The following INSL6 variants were observed in gnomAD, a reference collection of about 807,000 sequenced individuals.
The protein encoded by INSL6 is insulin-like peptide INSL6.
In INSL6, 16 loss-of-function variants were observed where a neutral mutation model predicts 9.4. The ratio of observed to expected loss-of-function variants is 1.70; its 90% CI spans 1.15 to 2.59. INSL6 has a LOEUF of 2.59. Ranked by LOEUF, INSL6 falls within the 30% of genes most tolerant of loss-of-function variation. INSL6 has a pLI of 0.00. For synonymous variants in INSL6, 154 were observed against 96.9 expected (o/e 1.59, Z -3.46); for missense variants, 391 against 257.3 (o/e 1.52, Z -3.56).
chr9:5,022,209 T>C, the INSL6 span: 4 of 1,610,574 alleles, frequency 2.5e-6, no homozygotes, highest in Non-Finnish European at 3.4e-6. Flanking sequence ...CTTCTAAAGC[T>C]TGTGGTAAGT....
chr9:5,168,222 G>C (rs1027799121), intron 1 of INSL6, among the ~76,000 whole-genome samples: 2 of 152,336 alleles, frequency 1.3e-5, no homozygotes, highest in South Asian at 2.1e-4. Context: ...GGCTGAGTCA[G>C]AGATAGATAA....
the INSL6 span, among the ~76,000 whole-genome samples, chr9:5,087,682 A>C: frequency 6.6e-6 from 1 of 152,212 alleles, no homozygotes; most frequent in Admixed American, 6.5e-5. Flanking sequence ...GGATGTGATA[A>C]AATATACATT....
At chr9:5,047,470 C>G in the INSL6 span, among the ~76,000 whole-genome samples, 1 of 152,178 alleles carries the variant, frequency 6.6e-6, no homozygotes, top group East Asian at 1.9e-4. Flanking sequence ...AAACTGCTGA[C>G]ATGTGAACAA....
chr9:5,004,089 A>T, the INSL6 span, among the ~76,000 whole-genome samples: 1 of 152,164 alleles, frequency 6.6e-6, no homozygotes, highest in Non-Finnish European at 1.5e-5. Context: ...AGAATGGCAA[A>T]ATCAGTCTAA....
chr9:5,003,919 TAGG>T, the INSL6 span, among the ~76,000 whole-genome samples: 1 of 152,120 alleles, frequency 6.6e-6, no homozygotes, highest in Non-Finnish European at 1.5e-5. Flanking sequence ...TAAATTTTAT[TAGG>T]AGTAGTTTCT....
At chr9:5,043,270 G>C in the INSL6 span, among the ~76,000 whole-genome samples, 1,000 of 151,946 alleles carry the variant, frequency 6.6e-3, 11 homozygotes, top group African/African-American at 0.023. Flanking sequence ...TGGCGTTTAC[G>C]TTTCTCTGAT....
chr9:5,136,594 T>C (rs371039916), intron 2 of INSL6, among the ~76,000 whole-genome samples: 2 of 152,156 alleles, frequency 1.3e-5, no homozygotes, highest in Non-Finnish European at 2.9e-5. Context: ...AAAGTCTCAA[T>C]AAACTAGGTA....
the INSL6 span, chr9:5,108,430 C>T: frequency 2.0e-5 from 3 of 152,082 alleles, no homozygotes; most frequent in African/African-American, 7.2e-5. Flanking sequence ...ACTTTAAATA[C>T]TTCAGATTCT....
the INSL6 span, chr9:5,112,604 G>A: frequency 4.9e-6 from 4 of 812,116 alleles, no homozygotes; most frequent in African/African-American, 7.1e-5. Context: ...TAAGGAGCTG[G>A]GGCGCATGTG....
the INSL6 span, chr9:5,114,322 C>A: frequency 5.5e-6 from 3 of 541,580 alleles, no homozygotes; most frequent in South Asian, 1.6e-5. Context: ...AGTGGGAAGT[C>A]TGTGGCTCAG....
intron 2 of INSL6, among the ~76,000 whole-genome samples, chr9:5,155,152 A>T (rs1272870062): frequency 6.6e-6 from 1 of 151,892 alleles, no homozygotes; most frequent in Non-Finnish European, 1.5e-5. Flanking sequence ...GCCATAAAAA[A>T]TGATGAGTTC....
At chr9:5,044,195 T>C in the INSL6 span, among the ~76,000 whole-genome samples, 1 of 152,242 alleles carries the variant, frequency 6.6e-6, no homozygotes, top group African/African-American at 2.4e-5. Flanking sequence ...AGGTAGTATA[T>C]TGATTTTACA....
At chr9:5,100,789 T>C in the INSL6 span, 1 of 152,348 alleles carries the variant, frequency 6.6e-6, no homozygotes, top group African/African-American at 2.4e-5. Flanking sequence ...TGAGGCCCCT[T>C]TTACTATCTC....
At chr9:5,075,432 G>T in the INSL6 span, among the ~76,000 whole-genome samples, 3 of 151,772 alleles carry the variant, frequency 2.0e-5, no homozygotes, top group Admixed American at 6.6e-5. Flanking sequence ...CAATGCCATT[G>T]GTGATTTGAA....
the INSL6 span, chr9:5,085,485 A>G: frequency 4.1e-6 from 3 of 723,854 alleles, no homozygotes; most frequent in Admixed American, 1.8e-5. Flanking sequence ...TCTCATGCTC[A>G]TTTTCTTTTG....
chr9:5,185,459 G>A lies in INSL6; in HGVS notation c.144C>T (p.Ala48=). 2 of 1,614,158 alleles carry A rather than the reference G, an allele frequency of 1.2e-6. No homozygotes were observed. The highest frequency in any genetic ancestry group is 1.7e-6 in the Non-Finnish European group (2 of 1,180,034). ...CCTCGAAACGGAACTGGCTCCAGTT[G>A]GCATGGCCGCAGAGTTTTTCTATTT... ...VKEIEKLCGH[A]NWSQFRFEEE... Residue 48 remains alanine (A), a synonymous_variant, in exon 1 of 2, where the codon GCC becomes GCT. Transcript: ENST00000381641.
At chr9:5,076,628 C>A in the INSL6 span, among the ~76,000 whole-genome samples, 1 of 152,054 alleles carries the variant, frequency 6.6e-6, no homozygotes, top group African/African-American at 2.4e-5. Context: ...TCATGACTTG[C>A]TTTATTATGG....
the INSL6 span, among the ~76,000 whole-genome samples, chr9:5,036,791 C>G: frequency 6.6e-6 from 1 of 152,166 alleles, no homozygotes; most frequent in Non-Finnish European, 1.5e-5. Context: ...CCATTCAGGA[C>G]ATAAGCATGG....
downstream of INSL6, among the ~76,000 whole-genome samples, chr9:5,122,044 T>C (rs539667995): frequency 8.0e-4 from 121 of 152,150 alleles, no homozygotes; most frequent in Non-Finnish European, 1.5e-3. Flanking sequence ...TTTAATTACG[T>C]AGTATGGACT....
Sources: gnomAD v4.1 joint callset for allele counts (sites outside exome capture counted in the v4.1 genomes callset) on GRCh38, gnomAD v4.1.1 for gene constraint, MANE v1.5 for transcripts, NCBI Gene and HGNC (gene_info 2026-07-23, HGNC 2026-07-21) for gene names.